The following PTPRM variants were observed in gnomAD, a reference collection of about 807,000 sequenced individuals.
PTPRM encodes the protein protein tyrosine phosphatase receptor type M.
Under a neutral mutation model 186.7 loss-of-function variants are expected in PTPRM, and 47 were observed. The observed-to-expected ratio is 0.25, with a 90% CI of 0.20 to 0.32. PTPRM has a LOEUF of 0.32. Among genes scored for constraint, PTPRM ranks in the 10% least tolerant of loss-of-function variants. The pLI, the probability that PTPRM is intolerant of heterozygous loss-of-function variation, is 1.00. For synonymous variants in PTPRM, 668 were observed against 674.9 expected (o/e 0.99, Z 0.16); for missense variants, 1,494 against 1,865.0 (o/e 0.80, Z 3.66).
chr18:8,290,347 G>A (rs895872299), intron 19 of PTPRM, among the ~76,000 whole-genome samples: 2 of 152,068 alleles, frequency 1.3e-5, no homozygotes, highest in African/African-American at 4.8e-5. Flanking sequence ...ATTATGTACG[G>A]CCTTGACCTG....
At chr18:8,241,020 T>G (rs549258308) in intron 14 of PTPRM, among the ~76,000 whole-genome samples, 1 of 152,140 alleles carries the variant, frequency 6.6e-6, no homozygotes. Flanking sequence ...GGGTGATAGA[T>G]GATGTATATT....
At chr18:8,238,245 G>C (rs891632333) in intron 14 of PTPRM, among the ~76,000 whole-genome samples, 12 of 152,128 alleles carry the variant, frequency 7.9e-5, no homozygotes, top group African/African-American at 2.9e-4. Flanking sequence ...TACACCTTTT[G>C]TAGTTGCCCC....
chr18:7,847,866 C>T (rs546258377), intron 2 of PTPRM, among the ~76,000 whole-genome samples: 14 of 152,250 alleles, frequency 9.2e-5, no homozygotes, highest in African/African-American at 2.2e-4. Context: ...CTGACCCAGG[C>T]GCTATGCCAT....
At chr18:7,641,810 A>G (rs747141274) in intron 1 of PTPRM, among the ~76,000 whole-genome samples, 1 of 152,252 alleles carries the variant, frequency 6.6e-6, no homozygotes, top group Non-Finnish European at 1.5e-5. Context: ...TATGCTTTAC[A>G]TACTTAAATT....
intron 3 of PTPRM, among the ~76,000 whole-genome samples, chr18:7,902,852 G>A (rs201050030): frequency 2.8e-5 from 1 of 35,936 alleles, no homozygotes; most frequent in Admixed American, 2.5e-4. Flanking sequence ...TTTTTTTTTT[G>A]TACTCTCCTT....
intron 7 of PTPRM, among the ~76,000 whole-genome samples, chr18:8,033,987 A>C (rs1007002680): frequency 6.6e-6 from 1 of 152,064 alleles, no homozygotes; most frequent in African/African-American, 2.4e-5. Flanking sequence ...TCATCACTCC[A>C]GTCTCTGCCT....
At chr18:7,797,025 G>A (rs1650521570) in intron 2 of PTPRM, among the ~76,000 whole-genome samples, 1 of 152,222 alleles carries the variant, frequency 6.6e-6, no homozygotes, top group African/African-American at 2.4e-5. Flanking sequence ...ATAGAGGTCA[G>A]TGCTTCATGA....
chr18:7,596,094 AT>A (rs2143685745), intron 1 of PTPRM, among the ~76,000 whole-genome samples: 1 of 152,296 alleles, frequency 6.6e-6, no homozygotes, highest in African/African-American at 2.4e-5. Context: ...GTTACCCACA[AT>A]CAACCCCAGT....
intron 2 of PTPRM, among the ~76,000 whole-genome samples, chr18:7,780,165 A>G (rs1054368209): frequency 6.6e-6 from 1 of 152,190 alleles, no homozygotes; most frequent in African/African-American, 2.4e-5. Context: ...TTAGAAAACA[A>G]AGTAATCTTG....
chr18:7,805,788 T>C (rs1005004596), intron 2 of PTPRM, among the ~76,000 whole-genome samples: 6 of 152,210 alleles, frequency 3.9e-5, no homozygotes, highest in African/African-American at 1.2e-4. Flanking sequence ...AAGGGAGTTT[T>C]GAGGTTGAGG....
At chr18:8,313,628 G>T (rs1289202592) in intron 20 of PTPRM, among the ~76,000 whole-genome samples, 2 of 151,612 alleles carry the variant, frequency 1.3e-5, no homozygotes, top group Non-Finnish European at 2.9e-5. Flanking sequence ...GGAACAAGTG[G>T]TGTGTTTGGC....
At chr18:7,789,244 G>A (rs529947858) in intron 2 of PTPRM, among the ~76,000 whole-genome samples, 1 of 152,258 alleles carries the variant, frequency 6.6e-6, no homozygotes, top group African/African-American at 2.4e-5. Context: ...AGGATTGCTT[G>A]AGCCAAGGAG....
At chr18:8,201,871 G>A (rs868102447) in intron 14 of PTPRM, among the ~76,000 whole-genome samples, 15 of 152,264 alleles carry the variant, frequency 9.9e-5, no homozygotes, top group Middle Eastern at 6.8e-3. Context: ...TGCACAGTCC[G>A]TCATTTCATT....
intron 13 of PTPRM, among the ~76,000 whole-genome samples, chr18:8,124,570 A>G (rs111486615): frequency 0.015 from 2,266 of 152,324 alleles, 59 homozygotes; most frequent in African/African-American, 0.052. Context: ...CAAAACCTAC[A>G]TAAGTGCATA....
intron 13 of PTPRM, among the ~76,000 whole-genome samples, chr18:8,117,636 G>A (rs79654032): frequency 1.3e-5 from 2 of 152,140 alleles, no homozygotes; most frequent in South Asian, 2.1e-4. Context: ...ATCTCCATAC[G>A]TGTGGGGGAT....
intron 1 of PTPRM, among the ~76,000 whole-genome samples, chr18:7,660,144 C>G (rs530331011): frequency 3.3e-5 from 5 of 152,174 alleles, no homozygotes; most frequent in Admixed American, 3.3e-4. Context: ...CAAGACCAGC[C>G]TGGCCAACAT....
chr18:7,774,452 C>T (rs553435160), intron 2 of PTPRM, among the ~76,000 whole-genome samples, 181 bp downstream of exon 2: 85 of 152,316 alleles, frequency 5.6e-4, no homozygotes, highest in African/African-American at 1.9e-3. Context: ...TTTTATCTCT[C>T]TCCCCTTAAA....
chr18:8,096,445 A>G (rs1313676967), intron 11 of PTPRM, among the ~76,000 whole-genome samples: 2 of 152,230 alleles, frequency 1.3e-5, no homozygotes, highest in African/African-American at 4.8e-5. Flanking sequence ...CCAGCTGCAC[A>G]GAAGCCATTC....
chr18:7,749,326 A>G (rs1376326761), intron 1 of PTPRM: 1 of 152,070 alleles, frequency 6.6e-6, no homozygotes, highest in Non-Finnish European at 1.5e-5. Context: ...GTGAGTTAAA[A>G]AAAAAAACAA....
Sources: gnomAD v4.1 joint callset for allele counts (sites outside exome capture counted in the v4.1 genomes callset) on GRCh38, gnomAD v4.1.1 for gene constraint, MANE v1.5 for transcripts, NCBI Gene and HGNC (gene_info 2026-07-23, HGNC 2026-07-21) for gene names.